Variants in TAFA1 observed in about 807,000 individuals in gnomAD.
The protein encoded by TAFA1 is chemokine-like protein TAFA-1.
A neutral mutation model predicts 18.5 loss-of-function variants in TAFA1; 4 were observed. That is an observed-to-expected ratio of 0.22 (90% CI 0.11 to 0.49). The LOEUF (loss-of-function observed/expected upper bound fraction) is 0.49, where lower values mean the gene tolerates loss of function less well. TAFA1 is among the 20% of genes least tolerant of loss of function. TAFA1 has a pLI of 0.98. For missense variants in TAFA1, 147 were observed against 169.0 expected, an observed-to-expected ratio of 0.87 and a Z score of 0.72; for synonymous variants, 56 against 55.2, an observed-to-expected ratio of 1.01 and a Z score of -0.06.
intron 2 of TAFA1, among the ~76,000 whole-genome samples, chr3:68,027,294 A>T (rs1454039731): frequency 2.6e-5 from 4 of 152,146 alleles, no homozygotes; most frequent in Non-Finnish European, 5.9e-5. Flanking sequence ...CTTTTCTCCC[A>T]ATATTTAGCA....
intron 2 of TAFA1, among the ~76,000 whole-genome samples, chr3:68,087,556 T>C (rs1228481966): frequency 2.6e-4 from 25 of 96,146 alleles, no homozygotes; most frequent in African/African-American, 1.0e-3. Flanking sequence ...CCCTCCCTCC[T>C]TCCCTCCCTC....
chr3:68,116,032 G>A (rs1201727843), intron 2 of TAFA1, among the ~76,000 whole-genome samples: 4 of 152,182 alleles, frequency 2.6e-5, no homozygotes, highest in African/African-American at 4.8e-5. Context: ...CGAGGTGGGC[G>A]GATCACGAGG....
At chr3:68,413,547 A>T (rs1485926797) in intron 2 of TAFA1, among the ~76,000 whole-genome samples, 2 of 152,208 alleles carry the variant, frequency 1.3e-5, no homozygotes, top group Non-Finnish European at 1.5e-5. Flanking sequence ...TTCTATCTCC[A>T]TCTTTCAACT....
intron 2 of TAFA1, among the ~76,000 whole-genome samples, chr3:68,389,687 G>C (rs532531086): frequency 1.3e-5 from 2 of 152,204 alleles, no homozygotes; most frequent in African/African-American, 4.8e-5. Context: ...GGACTGGTTA[G>C]ACAGTGGGCG....
intron 2 of TAFA1, among the ~76,000 whole-genome samples, chr3:68,179,256 A>G (rs1307980632): frequency 2.0e-5 from 3 of 152,236 alleles, no homozygotes; most frequent in African/African-American, 7.2e-5. Context: ...TCTAGGACAT[A>G]TACCAGATCA....
At chr3:68,119,661 C>T (rs537827077) in intron 2 of TAFA1, among the ~76,000 whole-genome samples, 1 of 152,040 alleles carries the variant, frequency 6.6e-6, no homozygotes, top group African/African-American at 2.4e-5. Context: ...TGATCTTGCA[C>T]CCTTGTCAAA....
chr3:68,008,643 C>G (rs756897588), intron 2 of TAFA1, among the ~76,000 whole-genome samples: 9 of 152,186 alleles, frequency 5.9e-5, no homozygotes, highest in Non-Finnish European at 1.2e-4. Context: ...GAAAATGCCT[C>G]TCGGTGCACC....
chr3:68,398,993 A>G (rs1436221722), intron 2 of TAFA1, among the ~76,000 whole-genome samples: 6 of 152,180 alleles, frequency 3.9e-5, no homozygotes, highest in Non-Finnish European at 7.3e-5. Flanking sequence ...CTTTTTCCAC[A>G]CATTGCTTCT....
intron 2 of TAFA1, among the ~76,000 whole-genome samples, chr3:68,009,449 T>C (rs1704427761): frequency 6.6e-6 from 1 of 152,336 alleles, no homozygotes; most frequent in South Asian, 2.1e-4. Context: ...TTGTGTATTA[T>C]CAACCAATGC....
intron 2 of TAFA1, among the ~76,000 whole-genome samples, chr3:68,099,839 C>T (rs2106814835): frequency 2.0e-5 from 3 of 152,268 alleles, no homozygotes; most frequent in African/African-American, 7.2e-5. Flanking sequence ...AAACCATGCC[C>T]TTTGCAGCAA....
intron 2 of TAFA1, among the ~76,000 whole-genome samples, chr3:68,345,661 G>A (rs140797620): frequency 4.4e-4 from 67 of 152,176 alleles, no homozygotes; most frequent in Middle Eastern, 3.4e-3. Context: ...TCAAGTCTTT[G>A]CTATTGCCTG....
intron 2 of TAFA1, among the ~76,000 whole-genome samples, chr3:68,050,578 T>G (rs9309938): frequency 3.3e-5 from 5 of 151,894 alleles, no homozygotes; most frequent in Non-Finnish European, 5.9e-5. Flanking sequence ...AGCCCTACCT[T>G]TGTGCTGGCT....
chr3:68,255,489 T>C (rs543184164), intron 2 of TAFA1, among the ~76,000 whole-genome samples: 2 of 152,184 alleles, frequency 1.3e-5, no homozygotes, highest in African/African-American at 4.8e-5. Flanking sequence ...TAATCACCAC[T>C]ATTTTTCCTT....
rs1005560266 is a variant in TAFA1 at position 68,004,396 on chromosome 3, C to T, written c.-310C>T. ...ACTGCACATTATCTCCCCATCACTT[C>T]AAAGGTCTCGTCAGGCAGAGGTGAC... On this transcript the variant is annotated 5_prime_UTR_variant, in exon 1 of 5. Transcript: ENST00000478136. 3.9e-5 allele frequency: 6 copies of T among 152,100 alleles called. No homozygotes were observed. Among genetic ancestry groups the T allele is most frequent in the South Asian group, 2.1e-4 (1 of 4,820 alleles). 9.4% of individuals were successfully genotyped at this position (152,100 alleles called of 1,614,324 possible).
intron 3 of TAFA1, among the ~76,000 whole-genome samples, chr3:68,490,668 T>A (rs568528750): frequency 6.6e-6 from 1 of 152,112 alleles, no homozygotes; most frequent in Non-Finnish European, 1.5e-5. Flanking sequence ...TTGGAAAATA[T>A]AGTTATTTTT....
intron 2 of TAFA1, among the ~76,000 whole-genome samples, chr3:68,342,072 G>A (rs1341264925): frequency 1.3e-5 from 2 of 152,172 alleles, no homozygotes; most frequent in South Asian, 4.1e-4. Context: ...CTATGAATGG[G>A]TGGAAGGCTT....
intron 2 of TAFA1, among the ~76,000 whole-genome samples, chr3:68,178,154 A>G (rs190957452): frequency 6.6e-6 from 1 of 151,476 alleles, no homozygotes; most frequent in East Asian, 1.9e-4. Context: ...CCCCTCCCCA[A>G]AAAAAAATAC....
intron 2 of TAFA1, among the ~76,000 whole-genome samples, chr3:68,412,681 C>T (rs1318816698): frequency 5.3e-5 from 8 of 152,066 alleles, no homozygotes; most frequent in Non-Finnish European, 7.4e-5. Context: ...CCAGCTTCAT[C>T]CATGTCCCTA....
the TAFA1 span, among the ~76,000 whole-genome samples, chr3:67,995,249 T>C: frequency 6.6e-6 from 1 of 152,150 alleles, no homozygotes; most frequent in Non-Finnish European, 1.5e-5. Flanking sequence ...GGCCTTCTGC[T>C]GTACATTTTT....
Sources: gnomAD v4.1 joint callset for allele counts (sites outside exome capture counted in the v4.1 genomes callset) on GRCh38, gnomAD v4.1.1 for gene constraint, MANE v1.5 for transcripts, NCBI Gene and HGNC (gene_info 2026-07-23, HGNC 2026-07-21) for gene names.